Variants in EIF5B observed in about 807,000 individuals in gnomAD.
EIF5B encodes eukaryotic translation initiation factor 5B.
EIF5B carries 47 observed loss-of-function variants against 147.5 expected under a neutral mutation model. The ratio of observed to expected loss-of-function variants is 0.32; its 90% CI spans 0.25 to 0.41. The LOEUF (loss-of-function observed/expected upper bound fraction) is 0.41, where lower values mean the gene tolerates loss of function less well. Among genes scored for constraint, EIF5B ranks in the 10% least tolerant of loss-of-function variants. The pLI, the probability that EIF5B is intolerant of heterozygous loss-of-function variation, is 1.00. For missense variants in EIF5B, 1,064 were observed against 1,413.2 expected (o/e 0.75, Z 3.96); for synonymous variants, 455 against 456.2 (o/e 1.00, Z 0.03).
chr2:99,380,096 C>T (rs1052040488), intron 12 of EIF5B, among the ~76,000 whole-genome samples: 7 of 152,176 alleles, frequency 4.6e-5, no homozygotes, highest in African/African-American at 1.7e-4. Context: ...GAAACGTTAC[C>T]TAATCTACTA....
chr2:99,374,849 C>G (rs1283005537), intron 9 of EIF5B, among the ~76,000 whole-genome samples: 1 of 152,026 alleles, frequency 6.6e-6, no homozygotes, highest in African/African-American at 2.4e-5. Flanking sequence ...AATGATGTCT[C>G]TGATAGGCCC....
chr2:99,377,115 A>G (rs1413724393), intron 10 of EIF5B, among the ~76,000 whole-genome samples: 1 of 152,164 alleles, frequency 6.6e-6, no homozygotes, highest in Non-Finnish European at 1.5e-5. Flanking sequence ...AGATTTCAGT[A>G]TGCTTCAAGA....
intron 1 of EIF5B, among the ~76,000 whole-genome samples, chr2:99,345,159 C>T (rs1446787655): frequency 6.6e-6 from 1 of 152,132 alleles, no homozygotes; most frequent in Non-Finnish European, 1.5e-5. Flanking sequence ...ATCAAAAGTA[C>T]AGTAATTATT....
Position 99,360,534 on chromosome 2 carries a change from A to T in EIF5B, c.231A>T (p.Glu77Asp). ...CTCAAGGCATCAAAGCTGACAGAGA[A>T]ACTGTTGCAGTGAAGGTGAAAGACA... ...LEAQGIKADR[E>D]TVAVKPTENN... is the part of the protein sequence containing the mutation. Residue 77 changes from glutamate (E) to aspartate (D), a missense_variant, in exon 3 of 24, where the codon GAA becomes GAT. Glu to Asp is a conservative substitution (Grantham distance 45). Coordinates refer to ENST00000289371, the MANE Select transcript of EIF5B (RefSeq NM_015904.4). 1 of 1,613,490 alleles carries T rather than the reference A, an allele frequency of 6.2e-7. No individual in the cohort carries two copies. The highest frequency in any genetic ancestry group is 8.5e-7 in the Non-Finnish European group (1 of 1,179,792).
intron 15 of EIF5B, 102 bp downstream of exon 15, chr2:99,389,951 C>G: frequency 7.1e-7 from 1 of 1,408,080 alleles, no homozygotes; most frequent in Non-Finnish European, 9.6e-7. Flanking sequence ...TTCTTTTCCT[C>G]TGTTGACAGC....
chr2:99,350,672 T>C (rs183983681), intron 1 of EIF5B, among the ~76,000 whole-genome samples: 5 of 152,336 alleles, frequency 3.3e-5, no homozygotes, highest in African/African-American at 7.2e-5. Context: ...TTGTTAGATA[T>C]ATAGTTTGTG....
intron 14 of EIF5B, among the ~76,000 whole-genome samples, chr2:99,385,636 C>G (rs560297664): frequency 7.9e-5 from 12 of 152,266 alleles, no homozygotes; most frequent in African/African-American, 2.4e-4. Context: ...ATAGTATAAG[C>G]ATCTCTTTTA....
intron 1 of EIF5B, among the ~76,000 whole-genome samples, chr2:99,355,326 A>G (rs1341214270): frequency 6.6e-6 from 1 of 152,134 alleles, no homozygotes; most frequent in Admixed American, 6.5e-5. Flanking sequence ...TTATGTCCTA[A>G]AAATCTTGCT....
chr2:99,393,865 A>G (rs765243949), intron 18 of EIF5B, among the ~76,000 whole-genome samples: 9 of 152,204 alleles, frequency 5.9e-5, no homozygotes, highest in Non-Finnish European at 1.3e-4. Flanking sequence ...AGCTGCTGAG[A>G]TCATGAGATT....
At chr2:99,391,724 T>C (rs1674934318) in intron 17 of EIF5B, among the ~76,000 whole-genome samples, 1 of 150,472 alleles carries the variant, frequency 6.6e-6, no homozygotes, top group Admixed American at 6.7e-5. Context: ...CTTTTATAGC[T>C]GGCTCTTTTT....
In EIF5B at chr2:99,337,462, A is replaced by G. The variant is rs2094245541; in HGVS notation, c.-93A>G. ...GCGAGCGGCGGCAGCACGAGGGGAA[A>G]AGAGCTGAGCGGAGACCAAAGTCAG... On this transcript the variant is annotated 5_prime_UTR_variant, in exon 1 of 24. Coordinates refer to ENST00000289371, the MANE Select transcript of EIF5B (RefSeq NM_015904.4). 3.9e-6 allele frequency: 6 copies of G among 1,520,192 alleles called. No individual in the cohort carries two copies. The South Asian group carries it at 4.7e-5, about 12-fold the overall frequency. 94.2% of individuals were successfully genotyped at this position (1,520,192 alleles called of 1,614,324 possible).
chr2:99,360,297 A>G lies in EIF5B; in HGVS notation c.97A>G (p.Lys33Glu). ...AGAAATAGAAGGAGCTGGTGCTGCC[A>G]AAGAACAGGAGCCTCAAAAGTCAAA... ...AAEIEGAGAA[K>E]EQEPQKSKGK... The change falls in exon 2 of 24, where the codon AAA becomes GAA. Residue 33 changes from lysine (K) to glutamate (E), a missense_variant. Physicochemically the swap from Lys to Glu is moderately conservative, Grantham distance 56. Transcript: ENST00000289371. 6.2e-7 allele frequency: 1 copy of G among 1,612,204 alleles called. No homozygotes were observed. Among genetic ancestry groups the G allele is most frequent in the South Asian group, 1.1e-5 (1 of 90,272 alleles).
rs775465894 is a variant in EIF5B at position 99,369,362 on chromosome 2, ATAT to A, written c.1388-26_1388-24del. 14 of 1,559,872 alleles carry A rather than the reference ATAT, an allele frequency of 9.0e-6. No homozygotes were observed. The Admixed American group carries it at 2.2e-4, about 24-fold the overall frequency. On this transcript the variant is annotated intron_variant, in intron 7 of 23. Coordinates refer to ENST00000289371, the MANE Select transcript of EIF5B (RefSeq NM_015904.4). ...TAACAGAAATTATACACCAAAAAAAATATTATCTTGGTTTCTGCCCCTTTTTCA... is the reference window on the plus strand; with the variant it reads ...TAACAGAAATTATACACCAAAAAAAATATCTTGGTTTCTGCCCCTTTTTCA...
At position 99,390,352 on chromosome 2, in the gene EIF5B, T is replaced by A; in HGVS notation, c.2537T>A (p.Leu846Ter). The A allele has an allele frequency of 6.2e-7, 1 of 1,614,026 alleles. No individual in the cohort carries two copies. Among genetic ancestry groups the A allele is most frequent in the Non-Finnish European group, 8.5e-7 (1 of 1,180,008 alleles). ...YLLVELTQTMLSKRLAHCEEL... is the reference protein window; with the variant it reads ...YLLVELTQTM ...CTTGTAGAGTTAACTCAGACCATGT[T>A]GAGCAAGAGACTTGCACACTGTGAA... The change falls in exon 16 of 24, where the codon TTG becomes TAG. Residue 846 changes from leucine to a stop codon, truncating the protein, a stop_gained. Transcript: ENST00000289371. LOFTEE classifies it high-confidence loss of function.
chr2:99,383,854 G>C (rs1298993721), intron 14 of EIF5B, among the ~76,000 whole-genome samples: 1 of 122,498 alleles, frequency 8.2e-6, no homozygotes, highest in African/African-American at 3.0e-5. Flanking sequence ...AGCTTCAAAG[G>C]TCAGGCTGAC....
At chr2:99,347,485 C>G (rs1290634154) in intron 1 of EIF5B, among the ~76,000 whole-genome samples, 1 of 150,842 alleles carries the variant, frequency 6.6e-6, no homozygotes, top group Non-Finnish European at 1.5e-5. Context: ...GGGTGAGGGT[C>G]TGAGATTCTG....
At chr2:99,387,349 G>A (rs72815080) in intron 14 of EIF5B, among the ~76,000 whole-genome samples, 2,130 of 152,086 alleles carry the variant, frequency 0.014, 18 homozygotes, top group Non-Finnish European at 0.023. Context: ...TTTTTATATA[G>A]TGTGAGGTCA....
At position 99,376,545 on chromosome 2, in the gene EIF5B, G is replaced by A. The variant is rs945422460; in HGVS notation, c.1751G>A (p.Ser584Asn). ...GGGAAGACATTAGATAAAAAGCCAA[G>A]TAAAGAAATGAGCTCAGATTCTGAA... Reference protein sequence around the residue: ...DSGKTLDKKPSKEMSSDSEYD... With the variant: ...DSGKTLDKKPNKEMSSDSEYD... Residue 584 changes from serine (S) to asparagine (N), a missense_variant, in exon 10 of 24, where the codon AGT becomes AAT. Physicochemically the swap from Ser to Asn is conservative, Grantham distance 46. Transcript: ENST00000289371. 6.2e-7 allele frequency: 1 copy of A among 1,614,000 alleles called. No individual in the cohort carries two copies. Among genetic ancestry groups the A allele is most frequent in the African/African-American group, 1.3e-5 (1 of 75,022 alleles).
chr2:99,379,045 T>C lies in EIF5B; in HGVS notation c.1869T>C (p.Asn623=). The stretch of plus-strand genomic sequence containing the variant: ...AACGGCGACTTGAACATAGTAAAAA[T>C]GTAAACACCGAAAAGCTAAGAGCCC... ...IEKRRLEHSK[N]VNTEKLRAPI... is the part of the protein sequence containing the mutation. The change falls in exon 11 of 24, where the codon AAT becomes AAC. Residue 623 remains asparagine, a synonymous_variant. Transcript: ENST00000289371. The C allele has an allele frequency of 6.3e-7, 1 of 1,580,988 alleles. No homozygotes were observed. Among genetic ancestry groups the C allele is most frequent in the Non-Finnish European group, 8.6e-7 (1 of 1,167,554 alleles).
Sources: gnomAD v4.1 joint callset for allele counts (sites outside exome capture counted in the v4.1 genomes callset) on GRCh38, gnomAD v4.1.1 for gene constraint, MANE v1.5 for transcripts, NCBI Gene and HGNC (gene_info 2026-07-23, HGNC 2026-07-21) for gene names.